Variants in NLGN4X observed in about 807,000 individuals in gnomAD.
The protein encoded by NLGN4X is neuroligin-4, X-linked.
In NLGN4X, 3 loss-of-function variants were observed where a neutral mutation model predicts 40.3. The observed-to-expected ratio is 0.07, with a 90% CI of 0.03 to 0.19. The LOEUF is 0.19. Among genes scored for constraint, NLGN4X ranks in the 10% least tolerant of loss-of-function variants. The pLI, the probability that NLGN4X is intolerant of heterozygous loss-of-function variation, is 1.00. For missense variants in NLGN4X, 382 were observed against 708.3 expected, an observed-to-expected ratio of 0.54 and a Z score of 5.23; for synonymous variants, 270 against 306.8, an observed-to-expected ratio of 0.88 and a Z score of 1.25.
intron 3 of NLGN4X, among the ~76,000 whole-genome samples, chrX:5,913,755 G>A (rs1167553825): frequency 8.9e-6 from 1 of 112,038 alleles, no homozygotes; most frequent in Non-Finnish European, 1.9e-5. Context: ...TGGTTTGGCT[G>A]TCTCCTCACC....
intron 3 of NLGN4X, among the ~76,000 whole-genome samples, chrX:6,021,002 T>TTCTTTCTCTCTC (rs2036516851): frequency 4.1e-5 from 1 of 24,123 alleles, no homozygotes; most frequent in Non-Finnish European, 7.4e-5. Flanking sequence ...CTTCCTTCTT[T>TTCTTTCTCTCTC]TCTCTCTCTC....
At chrX:6,049,543 C>A (rs777595082) in intron 2 of NLGN4X, among the ~76,000 whole-genome samples, 5 of 109,712 alleles carry the variant, frequency 4.6e-5, no homozygotes, top group African/African-American at 1.7e-4. Context: ...TGAAGTGTCG[C>A]CACTTCTTTG....
chrX:6,039,176 T>C (rs1350669269), intron 2 of NLGN4X, among the ~76,000 whole-genome samples: 1 of 111,429 alleles, frequency 9.0e-6, no homozygotes, highest in East Asian at 2.8e-4. Flanking sequence ...TATAATGATG[T>C]GCTGTTTCCA....
intron 3 of NLGN4X, among the ~76,000 whole-genome samples, chrX:5,990,266 C>T (rs1302375317): frequency 9.0e-6 from 1 of 110,819 alleles, no homozygotes; most frequent in Non-Finnish European, 1.9e-5. Context: ...AGAAAGAGAA[C>T]GTCAAGGCAC....
intron 2 of NLGN4X, among the ~76,000 whole-genome samples, chrX:6,074,372 A>G (rs2038141751): frequency 9.0e-6 from 1 of 111,544 alleles, no homozygotes; most frequent in South Asian, 3.8e-4. Context: ...GGGAAGCCTG[A>G]GGTGGGGTGG....
intron 3 of NLGN4X, among the ~76,000 whole-genome samples, chrX:5,912,945 A>AG (rs2032562724): frequency 2.4e-5 from 1 of 41,039 alleles, no homozygotes; most frequent in Non-Finnish European, 4.2e-5. Context: ...GGAGGGAGGG[A>AG]AGGAGGGAGG....
At chrX:6,014,059 G>C (rs1409544806) in intron 3 of NLGN4X, among the ~76,000 whole-genome samples, 2 of 108,968 alleles carry the variant, frequency 1.8e-5, no homozygotes, top group African/African-American at 6.7e-5. Flanking sequence ...GTGCGGGCCT[G>C]TAGTCCCAGC....
chrX:6,215,888 T>C (rs1925038412), intron 1 of NLGN4X, among the ~76,000 whole-genome samples: 1 of 101,297 alleles, frequency 9.9e-6, no homozygotes, highest in African/African-American at 3.9e-5. Flanking sequence ...CTTTTTTTTT[T>C]TTTTTTGAGA....
At chrX:6,146,447 T>A (rs1410733154) in intron 2 of NLGN4X, among the ~76,000 whole-genome samples, 1 of 111,921 alleles carries the variant, frequency 8.9e-6, no homozygotes, top group Non-Finnish European at 1.9e-5. Context: ...TCTGGCTTAT[T>A]ATCTACCTCT....
chrX:5,956,047 G>A (rs2034482115), intron 3 of NLGN4X, among the ~76,000 whole-genome samples: 1 of 109,342 alleles, frequency 9.1e-6, no homozygotes, highest in Non-Finnish European at 1.9e-5. Context: ...ACCCTTTCCT[G>A]ATATCAGGAA....
chrX:5,951,609 G>A (rs1221010212), intron 3 of NLGN4X, among the ~76,000 whole-genome samples: 1 of 111,293 alleles, frequency 9.0e-6, no homozygotes, highest in Non-Finnish European at 1.9e-5. Context: ...CTGGAGACCG[G>A]AAGTCCAAGA....
chrX:6,120,489 G>T (rs1163991594), intron 2 of NLGN4X, among the ~76,000 whole-genome samples: 1 of 111,682 alleles, frequency 9.0e-6, no homozygotes, highest in Non-Finnish European at 1.9e-5. Context: ...CATGAGTCAG[G>T]CATTGTGCTA....
At chrX:6,189,975 G>T (rs1922401077) in intron 1 of NLGN4X, among the ~76,000 whole-genome samples, 1 of 109,158 alleles carries the variant, frequency 9.2e-6, no homozygotes, top group Non-Finnish European at 1.9e-5. Flanking sequence ...GATGAAAAAT[G>T]ATGTGTACCT....
intron 3 of NLGN4X, among the ~76,000 whole-genome samples, chrX:5,938,622 T>G (rs1451877538): frequency 9.1e-5 from 10 of 109,981 alleles, no homozygotes; most frequent in African/African-American, 2.6e-4. Context: ...GGTTATGGGT[T>G]AACTCAACGG....
intron 3 of NLGN4X, among the ~76,000 whole-genome samples, chrX:5,931,023 A>T: frequency 9.0e-6 from 1 of 111,375 alleles, no homozygotes; most frequent in Non-Finnish European, 1.9e-5. Context: ...ATGTTCCATC[A>T]CTTTCATCCA....
intron 2 of NLGN4X, among the ~76,000 whole-genome samples, chrX:6,065,751 C>A (rs1382167765): frequency 1.8e-5 from 2 of 111,162 alleles, no homozygotes; most frequent in African/African-American, 6.5e-5. Flanking sequence ...ATCTCCCAAC[C>A]AAAACACATA....
Position 6,006,888 on chromosome X carries a change from G to A in NLGN4X, c.625+22392C>T, listed in dbSNP as rs747317235. 2.7e-5 allele frequency among the ~76,000 whole-genome samples: 3 copies of A among 111,517 alleles called. No individual in the cohort carries two copies. The East Asian group carries it at 8.5e-4, about 31-fold the overall frequency. ...TACAACCTCTATGGAAAATAGTATG[G>A]AGATTTCCCAAATGACTTAAGATAG... On this transcript the variant is annotated intron_variant, in intron 3 of 5. Transcript: ENST00000381095.
chrX:6,092,671 T>A (rs764849307), intron 2 of NLGN4X, among the ~76,000 whole-genome samples: 1 of 111,064 alleles, frequency 9.0e-6, no homozygotes, highest in African/African-American at 3.3e-5. Context: ...CAGGAAACAA[T>A]AAACAAAAAA....
At chrX:6,082,844 C>T (rs1419441952) in intron 2 of NLGN4X, among the ~76,000 whole-genome samples, 1 of 108,845 alleles carries the variant, frequency 9.2e-6, no homozygotes, top group African/African-American at 3.4e-5. Context: ...GTAAAAGAAG[C>T]TAACACTGGA....
Sources: gnomAD v4.1 joint callset for allele counts (sites outside exome capture counted in the v4.1 genomes callset) on GRCh38, gnomAD v4.1.1 for gene constraint, MANE v1.5 for transcripts, NCBI Gene and HGNC (gene_info 2026-07-23, HGNC 2026-07-21) for gene names.